The following MAP3K7CL variants were observed in gnomAD, a reference collection of about 807,000 sequenced individuals.
MAP3K7CL encodes the protein MAP3K7 C-terminal like, also known as MAP3K7 C-terminal-like protein.
A neutral mutation model predicts 18.6 loss-of-function variants in MAP3K7CL; 16 were observed. That is an observed-to-expected ratio of 0.86 (90% CI 0.58 to 1.31). The LOEUF (loss-of-function observed/expected upper bound fraction) is 1.31. MAP3K7CL is among the 50% of genes most tolerant of loss of function. The pLI is 0.00. For synonymous variants in MAP3K7CL, 65 were observed against 66.8 expected (o/e 0.97, Z 0.13); for missense variants, 163 against 174.4 (o/e 0.93, Z 0.37).
At chr21:29,100,914 G>A (rs1043744687) in intron 4 of MAP3K7CL, among the ~76,000 whole-genome samples, 2 of 151,618 alleles carry the variant, frequency 1.3e-5, no homozygotes, top group Admixed American at 6.6e-5. Flanking sequence ...GGGTTTCACC[G>A]GGTTAGCCAG....
chr21:29,120,631 T>TTA (rs1231419781), intron 4 of MAP3K7CL, among the ~76,000 whole-genome samples: 1 of 152,220 alleles, frequency 6.6e-6, no homozygotes, highest in Non-Finnish European at 1.5e-5. Context: ...CTCATGAAGG[T>TTA]ATTAACATAG....
At chr21:29,130,955 T>G (rs1416489295) in intron 1 of MAP3K7CL, 32 bp downstream of exon 1, 1 of 977,050 alleles carries the variant, frequency 1.0e-6, no homozygotes, top group Non-Finnish European at 1.2e-6. Flanking sequence ...CTGAACTAAA[T>G]GCTCAGATCA....
At chr21:29,148,449 C>A (rs2087194378) in intron 2 of MAP3K7CL, among the ~76,000 whole-genome samples, 2 of 152,108 alleles carry the variant, frequency 1.3e-5, no homozygotes, top group African/African-American at 4.8e-5. Context: ...GATATTTTGA[C>A]CCATATTTTG....
intron 1 of MAP3K7CL, among the ~76,000 whole-genome samples, chr21:29,080,278 C>T (rs1200723207): frequency 6.6e-6 from 1 of 152,210 alleles, no homozygotes; most frequent in Non-Finnish European, 1.5e-5. Flanking sequence ...GATTCTGTTG[C>T]AGTTATGGCT....
chr21:29,089,969 G>T (rs2085994095), intron 1 of MAP3K7CL, among the ~76,000 whole-genome samples: 1 of 151,188 alleles, frequency 6.6e-6, no homozygotes, highest in African/African-American at 2.4e-5. Flanking sequence ...AAGGCAGGAG[G>T]GAAGGAAAAA....
intron 4 of MAP3K7CL, among the ~76,000 whole-genome samples, chr21:29,101,120 C>G (rs1044030694): frequency 2.0e-5 from 3 of 151,578 alleles, no homozygotes; most frequent in African/African-American, 4.8e-5. Context: ...TTTTATCTTA[C>G]GATTTCTGTG....
intron 4 of MAP3K7CL, among the ~76,000 whole-genome samples, chr21:29,116,972 T>C (rs1442440727): frequency 6.6e-6 from 1 of 152,188 alleles, no homozygotes; most frequent in African/African-American, 2.4e-5. Flanking sequence ...TTTAGATTAA[T>C]TTGGCAACTG....
intron 4 of MAP3K7CL, among the ~76,000 whole-genome samples, chr21:29,165,422 G>T (rs187189518): frequency 6.6e-6 from 1 of 151,926 alleles, no homozygotes; most frequent in Admixed American, 6.6e-5. Flanking sequence ...TGAGATTTTG[G>T]TACACCTGTC....
chr21:29,128,236 G>A (rs2086712952), upstream of MAP3K7CL: 2 of 152,258 alleles, frequency 1.3e-5, no homozygotes, highest in East Asian at 1.9e-4. Flanking sequence ...GACCACTGAA[G>A]AAAGTGATAC....
At chr21:29,146,767 T>C (rs1252083316) in intron 2 of MAP3K7CL, among the ~76,000 whole-genome samples, 1 of 152,240 alleles carries the variant, frequency 6.6e-6, no homozygotes, top group South Asian at 2.1e-4. Context: ...TACTTTTAAA[T>C]GGAAGTATTG....
intron 2 of MAP3K7CL, among the ~76,000 whole-genome samples, chr21:29,145,116 G>A (rs1249004100): frequency 2.0e-5 from 3 of 152,154 alleles, no homozygotes; most frequent in African/African-American, 7.2e-5. Flanking sequence ...TGAAGAAGAA[G>A]CCTTCAAATT....
intron 4 of MAP3K7CL, among the ~76,000 whole-genome samples, chr21:29,095,120 G>A (rs2086099032): frequency 1.4e-5 from 2 of 144,964 alleles, no homozygotes; most frequent in South Asian, 4.4e-4. Flanking sequence ...GGAGGGGAAG[G>A]GAAGGTTAGG....
chr21:29,081,115 G>A (rs1042547951), upstream of MAP3K7CL, among the ~76,000 whole-genome samples: 1 of 152,144 alleles, frequency 6.6e-6, no homozygotes, highest in South Asian at 2.1e-4. Flanking sequence ...AGAAATACAA[G>A]AGGGCCTCTT....
intron 1 of MAP3K7CL, among the ~76,000 whole-genome samples, chr21:29,086,616 T>G (rs8134017): frequency 0.018 from 2,739 of 152,308 alleles, 87 homozygotes; most frequent in African/African-American, 0.062. Context: ...GTTTCATTGA[T>G]AATAAAGCTG....
intron 1 of MAP3K7CL, among the ~76,000 whole-genome samples, chr21:29,132,578 C>T (rs1212314630): frequency 6.6e-6 from 1 of 151,994 alleles, no homozygotes; most frequent in African/African-American, 2.4e-5. Flanking sequence ...GGTACGATCT[C>T]GGTTGACTGC....
chr21:29,102,844 G>A (rs1203135261), intron 4 of MAP3K7CL, among the ~76,000 whole-genome samples: 1 of 152,134 alleles, frequency 6.6e-6, no homozygotes, highest in Non-Finnish European at 1.5e-5. Context: ...GGGCACTCAA[G>A]CAACCCTATA....
chr21:29,160,362 G>A (rs993112592), intron 4 of MAP3K7CL, among the ~76,000 whole-genome samples: 4 of 152,242 alleles, frequency 2.6e-5, no homozygotes, highest in African/African-American at 9.6e-5. Flanking sequence ...GCAGAGCACT[G>A]TGGCTTGGTG....
intron 4 of MAP3K7CL, among the ~76,000 whole-genome samples, chr21:29,111,440 C>G (rs2832185): frequency 0.44 from 67,154 of 151,802 alleles, 15,126 homozygotes; most frequent in East Asian, 0.64. Context: ...GTGAGGAGCT[C>G]TATTCCCTAC....
chr21:29,104,624 G>A (rs8134877), intron 4 of MAP3K7CL, among the ~76,000 whole-genome samples: 2,772 of 152,308 alleles, frequency 0.018, 91 homozygotes, highest in African/African-American at 0.063. Context: ...ACCTGACACT[G>A]TCCTGAGCTG....
Sources: gnomAD v4.1 joint callset for allele counts (sites outside exome capture counted in the v4.1 genomes callset) on GRCh38, gnomAD v4.1.1 for gene constraint, MANE v1.5 for transcripts, NCBI Gene and HGNC (gene_info 2026-07-23, HGNC 2026-07-21) for gene names.